PEPD: variants seen among roughly 807,000 people sequenced by gnomAD.
PEPD encodes peptidase D.
A neutral mutation model predicts 60.7 loss-of-function variants in PEPD; 53 were observed. The observed-to-expected ratio is 0.87, with a 90% CI of 0.70 to 1.10. The LOEUF is 1.10. Ranked by LOEUF, PEPD falls within the 50% of genes least tolerant of loss-of-function variation. The pLI, the probability that PEPD is intolerant of heterozygous loss-of-function variation, is 0.00. For missense variants in PEPD, 711 were observed against 711.9 expected (o/e 1.00, Z 0.01); for synonymous variants, 267 against 284.1 (o/e 0.94, Z 0.60).
intron 11 of PEPD, among the ~76,000 whole-genome samples, chr19:33,411,176 C>T (rs193179483): frequency 6.8e-4 from 104 of 152,314 alleles, no homozygotes; most frequent in African/African-American, 2.5e-3. Context: ...AGCCACGGGT[C>T]AGCACTGCTG....
rs983876796 is a variant in PEPD, at chr19:33,387,570, T to C, written c.1345-89A>G. 4.5e-6 allele frequency: 7 copies of C among 1,543,546 alleles called. No individual in the cohort carries two copies. The African/African-American group carries it at 8.1e-5, about 18-fold the overall frequency. On this transcript the variant is annotated intron_variant, in intron 14 of 14. Transcript: ENST00000244137. ...GGCCCATTCCAGGCCCACCCCACCATGGGATGGGAGCAGCTGACACTCCCT... is the reference window on the plus strand; with the variant it reads ...GGCCCATTCCAGGCCCACCCCACCACGGGATGGGAGCAGCTGACACTCCCT...
Position 33,454,814 on chromosome 19 carries a change from C to G in PEPD, c.671+8181G>C, listed in dbSNP as rs570989763. Among the ~76,000 whole-genome samples, 8 of 152,258 alleles carry G rather than the reference C, an allele frequency of 5.3e-5. No individual in the cohort carries two copies. In the East Asian group the frequency reaches 1.2e-3, roughly 22 times the overall value. On this transcript the variant is annotated intron_variant, in intron 9 of 14. Coordinates refer to ENST00000244137, the MANE Select transcript of PEPD (RefSeq NM_000285.4). ...GTGACTTTACAGTGGAGAAACCTGA[C>G]AAGCACTACCTTAGCCAGGTGATCA...
At chr19:33,436,417 C>T (rs1205162573) in intron 9 of PEPD, among the ~76,000 whole-genome samples, 3 of 152,156 alleles carry the variant, frequency 2.0e-5, no homozygotes, top group Admixed American at 6.5e-5. Context: ...GGTGCTTCTG[C>T]CTCATCATGA....
chr19:33,424,334 G>C (rs762630627), intron 9 of PEPD, among the ~76,000 whole-genome samples: 4 of 152,260 alleles, frequency 2.6e-5, no homozygotes, highest in Non-Finnish European at 5.9e-5. Context: ...TTCGCAATCT[G>C]TGACTCTAGA....
chr19:33,511,507 C>T lies in PEPD; in HGVS notation c.202-352G>A, dbSNP rs201391630. On this transcript the variant is annotated intron_variant, in intron 2 of 14. Coordinates refer to ENST00000244137, the MANE Select transcript of PEPD (RefSeq NM_000285.4). ...CTCTGCCACGTGCAGGCAGGCAAGA[C>T]GCCCCCCGGATTCTGACGCCCAGGC... 41 of 355,652 alleles carry T rather than the reference C, an allele frequency of 1.2e-4. 1 individual carries two copies. The Admixed American group carries it at 1.3e-3, about 12-fold the overall frequency. The allele number at this position is 355,652 out of a possible 1,614,324, so 22.0% of individuals were successfully genotyped here.
At chr19:33,433,566 G>C (rs941197665) in intron 9 of PEPD, among the ~76,000 whole-genome samples, 4 of 152,116 alleles carry the variant, frequency 2.6e-5, no homozygotes, top group African/African-American at 9.7e-5. Context: ...ATTAACTAAT[G>C]CCCCATATTT....
At chr19:33,447,000 C>T (rs1481444990) in intron 9 of PEPD, among the ~76,000 whole-genome samples, 1 of 152,234 alleles carries the variant, frequency 6.6e-6, no homozygotes, top group African/African-American at 2.4e-5. Flanking sequence ...GGGACTAGAC[C>T]GCCAGGGCCC....
chr19:33,413,757 C>T (rs1287233271), intron 9 of PEPD, 114 bp from the exon 10 acceptor site: 6 of 697,694 alleles, frequency 8.6e-6, no homozygotes, highest in Non-Finnish European at 1.6e-5. Flanking sequence ...CTGCCGTGGC[C>T]CCACAATGGT....
chr19:33,512,004 T>C (rs1970936016), intron 2 of PEPD, among the ~76,000 whole-genome samples: 1 of 152,120 alleles, frequency 6.6e-6, no homozygotes, highest in Non-Finnish European at 1.5e-5. Flanking sequence ...CCATATCCTC[T>C]CCACACTCAG....
At chr19:33,477,967 G>A in intron 7 of PEPD, 79 bp downstream of exon 7, 1 of 937,444 alleles carries the variant, frequency 1.1e-6, no homozygotes. Flanking sequence ...CTGAGACGGT[G>A]TGGGCAGGAA....
chr19:33,463,097 G>A lies in PEPD; in HGVS notation c.625-56C>T, dbSNP rs377682480. On this transcript the variant is annotated intron_variant, in intron 8 of 14. Transcript: ENST00000244137. ...GTATTAAGCAGATCAGTAACACAGC[G>A]TGATAAATAACATACAGCACTTCTT... 208 of 1,050,698 alleles carry A rather than the reference G, an allele frequency of 2.0e-4. 1 individual carries two copies. In the African/African-American group the frequency reaches 2.6e-3, roughly 13 times the overall value. The allele number at this position is 1,050,698 out of a possible 1,614,324, so 65.1% of individuals were successfully genotyped here.
intron 9 of PEPD, among the ~76,000 whole-genome samples, chr19:33,416,253 TC>T (rs1288545506): frequency 2.6e-5 from 4 of 152,114 alleles, no homozygotes; most frequent in Non-Finnish European, 5.9e-5. Flanking sequence ...TAACAGCCTG[TC>T]CCGTGGATGA....
At position 33,493,270 on chromosome 19, in the gene PEPD, C is replaced by T. The variant is rs372940375; in HGVS notation, c.441+20G>A. 6.3e-7 allele frequency: 1 copy of T among 1,592,488 alleles called. No homozygotes were observed. The highest frequency in any genetic ancestry group is 1.3e-5 in the African/African-American group (1 of 74,450). On this transcript the variant is annotated intron_variant, in intron 5 of 14. Transcript: ENST00000244137. ...CCCCAGAGCCAAGCACTGCCCCACC[C>T]CTGGACACCAGCCACTTACCAAAGT...
At chr19:33,412,774 C>T (rs1482075770) in intron 10 of PEPD, among the ~76,000 whole-genome samples, 1 of 152,226 alleles carries the variant, frequency 6.6e-6, no homozygotes, top group Non-Finnish European at 1.5e-5. Flanking sequence ...ATTGGCAGAG[C>T]TGCCTGGCTC....
chr19:33,431,654 T>C (rs1969276907), intron 9 of PEPD, among the ~76,000 whole-genome samples: 1 of 152,114 alleles, frequency 6.6e-6, no homozygotes, highest in South Asian at 2.1e-4. Flanking sequence ...TAGCAAATGC[T>C]AGTGGAGGGA....
At chr19:33,497,102 T>C (rs889409913) in intron 4 of PEPD, among the ~76,000 whole-genome samples, 2 of 152,394 alleles carry the variant, frequency 1.3e-5, no homozygotes, top group Non-Finnish European at 2.9e-5. Flanking sequence ...GTTTCTCAAA[T>C]GTAAACATCA....
chr19:33,489,978 T>A lies in PEPD; in HGVS notation c.503+18A>T, dbSNP rs570799479. ...TGGGGGATGGTGGGGAAAGAGTCCC[T>A]GGGGGCCCAGGACTCACTTGCTGAT... On this transcript the variant is annotated intron_variant, in intron 6 of 14. Transcript: ENST00000244137. 7.8e-6 allele frequency: 12 copies of A among 1,546,376 alleles called. No individual in the cohort carries two copies. The highest frequency in any genetic ancestry group is 9.8e-6 in the Non-Finnish European group (11 of 1,123,906).
chr19:33,421,908 GT>G (rs1484376446), intron 9 of PEPD, among the ~76,000 whole-genome samples: 1 of 152,034 alleles, frequency 6.6e-6, no homozygotes, highest in East Asian at 1.9e-4. Context: ...GATGGCGATG[GT>G]GGCTGGGGAT....
chr19:33,405,973 G>A (rs1397940709), intron 11 of PEPD, among the ~76,000 whole-genome samples: 1 of 152,230 alleles, frequency 6.6e-6, no homozygotes, highest in Non-Finnish European at 1.5e-5. Flanking sequence ...TGTCTGGAGG[G>A]AACTGGCATT....
Sources: allele counts gnomAD v4.1 joint callset (sites outside exome capture counted in the v4.1 genomes callset), GRCh38; gene constraint gnomAD v4.1.1; transcripts MANE v1.5; gene names NCBI Gene and HGNC (gene_info 2026-07-23, HGNC 2026-07-21).